The following BRAF variants were observed in gnomAD, a reference collection of about 807,000 sequenced individuals.
BRAF encodes the protein serine/threonine-protein kinase B-raf.
BRAF carries 16 observed loss-of-function variants against 104.6 expected under a neutral mutation model. That is an observed-to-expected ratio of 0.15 (90% CI 0.10 to 0.23). BRAF has a LOEUF of 0.23. Ranked by LOEUF, BRAF falls within the 10% of genes least tolerant of loss-of-function variation. The probability of loss-of-function intolerance (pLI) is 1.00; values close to 1 mark genes in which losing one functional copy is unlikely to be tolerated. For missense variants in BRAF, 541 were observed against 937.3 expected, an observed-to-expected ratio of 0.58 and a Z score of 5.52; for synonymous variants, 310 against 341.6, an observed-to-expected ratio of 0.91 and a Z score of 1.02.
chr7:140,726,131 C>T lies in BRAF; in HGVS notation c.*363G>A. ...CAAATTGATCTGGTGGTTAGAAGGG[C>T]AAAGTTGACTGGCAGACTTTCCATA... On this transcript the variant is annotated 3_prime_UTR_variant, in exon 20 of 20. Coordinates refer to ENST00000644969, the MANE Select transcript of BRAF (RefSeq NM_001374258.1). 1 of 1,112,976 alleles carries T rather than the reference C, an allele frequency of 9.0e-7. No homozygotes were observed. The highest frequency in any genetic ancestry group is 1.1e-6 in the Non-Finnish European group (1 of 910,832). The allele number at this position is 1,112,976 out of a possible 1,614,324, so 68.9% of individuals were successfully genotyped here.
At chr7:140,898,605 T>G (rs1815230461) in intron 1 of BRAF, among the ~76,000 whole-genome samples, 1 of 152,208 alleles carries the variant, frequency 6.6e-6, no homozygotes, top group African/African-American at 2.4e-5. Context: ...ATCGTTCCAT[T>G]AAAGCATAAC....
intron 17 of BRAF, chr7:140,741,315 C>T (rs1796895978): frequency 6.6e-6 from 1 of 152,182 alleles, no homozygotes; most frequent in South Asian, 2.1e-4. Flanking sequence ...CGAGATAATA[C>T]AGTTAAGTAA....
At chr7:140,727,170 T>A (rs1416009329) in intron 19 of BRAF, among the ~76,000 whole-genome samples, 1 of 141,940 alleles carries the variant, frequency 7.0e-6, no homozygotes, top group African/African-American at 3.0e-5. Context: ...GGGGGCTTCA[T>A]GCCATTATTT....
chr7:140,776,171 T>C (rs916871736), intron 14 of BRAF, among the ~76,000 whole-genome samples: 2 of 152,190 alleles, frequency 1.3e-5, no homozygotes, highest in African/African-American at 4.8e-5. Context: ...AATGACATAA[T>C]AATCTATGTA....
chr7:140,831,683 T>C (rs943808546), intron 3 of BRAF, among the ~76,000 whole-genome samples: 1 of 152,192 alleles, frequency 6.6e-6, no homozygotes, highest in African/African-American at 2.4e-5. Flanking sequence ...TGTCTAAAAA[T>C]ATCAGGCCAT....
At chr7:140,859,973 C>G (rs1269165084) in intron 1 of BRAF, among the ~76,000 whole-genome samples, 1 of 152,180 alleles carries the variant, frequency 6.6e-6, no homozygotes, top group African/African-American at 2.4e-5. Context: ...AGGCGTAAGC[C>G]ACTGCGCCCA....
chr7:140,917,939 AGCT>A (rs1365192724), intron 1 of BRAF, among the ~76,000 whole-genome samples: 1 of 152,176 alleles, frequency 6.6e-6, no homozygotes, highest in African/African-American at 2.4e-5. Context: ...GCTACTTCTG[AGCT>A]ACTACAGTAT....
rs1188843040 is a variant in BRAF, at chr7:140,798,266, T to TTTTTCC, written c.980+2095_980+2096insGGAAAA. Among the ~76,000 whole-genome samples the TTTTTCC allele has an allele frequency of 3.1e-5, 2 of 63,570 alleles. 1 individual carries two copies. The highest frequency in any genetic ancestry group is 5.8e-5 in the Non-Finnish European group (2 of 34,458). The allele number at this position is 63,570 out of a possible 152,430, so 41.7% of individuals were successfully genotyped here. The stretch of plus-strand genomic sequence containing the variant: ...GGACAGAATGCTGTATGGGGACTTT[T>TTTTTCC]TTTTTCTTTTTTTTGAGACGGAGTC... On this transcript the variant is annotated intron_variant, in intron 7 of 19. Coordinates refer to ENST00000644969, the MANE Select transcript of BRAF (RefSeq NM_001374258.1).
At chr7:140,716,148 C>A (rs898237152), downstream of BRAF, among the ~76,000 whole-genome samples, 3 of 152,148 alleles carry the variant, frequency 2.0e-5, no homozygotes, top group Admixed American at 2.0e-4. Context: ...AGAAGAATGG[C>A]CAGTTGAGAC....
chr7:140,777,144 T>C (rs1236162741), intron 13 of BRAF, 56 bp from the exon 13 acceptor site: 1 of 1,581,044 alleles, frequency 6.3e-7, no homozygotes, highest in East Asian at 2.2e-5. Flanking sequence ...TAGCAATTCT[T>C]ACAAAAGAGA....
At chr7:140,895,464 T>C (rs577553013) in intron 1 of BRAF, among the ~76,000 whole-genome samples, 1 of 152,332 alleles carries the variant, frequency 6.6e-6, no homozygotes, top group East Asian at 1.9e-4. Context: ...CCTAGCTATA[T>C]GAAACTATAT....
chr7:140,814,804 A>T (rs544093132), intron 3 of BRAF, among the ~76,000 whole-genome samples: 3 of 145,506 alleles, frequency 2.1e-5, no homozygotes, highest in Non-Finnish European at 3.0e-5. Flanking sequence ...TATATATATT[A>T]TATATAACAT....
chr7:140,887,315 T>C (rs1650878115), intron 1 of BRAF, among the ~76,000 whole-genome samples: 1 of 152,220 alleles, frequency 6.6e-6, no homozygotes, highest in Non-Finnish European at 1.5e-5. Flanking sequence ...CAGGGAATCA[T>C]GTGCAATGGT....
chr7:140,879,041 A>AT (rs1384105534), intron 1 of BRAF, among the ~76,000 whole-genome samples: 1 of 149,732 alleles, frequency 6.7e-6, no homozygotes, highest in African/African-American at 2.5e-5. Flanking sequence ...TGCCCAGCTA[A>AT]TTTTTTTTGT....
intron 9 of BRAF, among the ~76,000 whole-genome samples, chr7:140,786,217 A>G (rs1030058278): frequency 2.6e-5 from 4 of 152,270 alleles, no homozygotes; most frequent in African/African-American, 9.6e-5. Context: ...ATGTGCTAAC[A>G]TCAATACCAA....
At chr7:140,896,307 A>G (rs180705598) in intron 1 of BRAF, among the ~76,000 whole-genome samples, 1 of 152,286 alleles carries the variant, frequency 6.6e-6, no homozygotes, top group African/African-American at 2.4e-5. Flanking sequence ...ATGAATATCC[A>G]GTAAAAAAAT....
At chr7:140,906,101 A>AAAAAAAAAAAAAAAAAAAAAT (rs1213469161) in intron 1 of BRAF, among the ~76,000 whole-genome samples, 1 of 150,222 alleles carries the variant, frequency 6.7e-6, no homozygotes, top group African/African-American at 2.5e-5. Context: ...AAAAAAAAAA[A>AAAAAAAAAAAAAAAAAAAAAT]AAAAAAAGAA....
At chr7:140,767,136 T>C (rs898247785) in intron 14 of BRAF, among the ~76,000 whole-genome samples, 1 of 152,120 alleles carries the variant, frequency 6.6e-6, no homozygotes, top group Non-Finnish European at 1.5e-5. Context: ...CCCAAGTAGC[T>C]GGGACCACAG....
chr7:140,799,017 T>C (rs28627200), intron 7 of BRAF: 4,365 of 174,482 alleles, frequency 0.025, 208 homozygotes, highest in African/African-American at 0.096. Flanking sequence ...AGCTAATTTT[T>C]TTTTTTTTGT....
Sources: gnomAD v4.1 joint callset for allele counts (sites outside exome capture counted in the v4.1 genomes callset) on GRCh38, gnomAD v4.1.1 for gene constraint, MANE v1.5 for transcripts, NCBI Gene and HGNC (gene_info 2026-07-23, HGNC 2026-07-21) for gene names.